SMOC1: variants seen among roughly 807,000 people sequenced by gnomAD.
SMOC1 encodes the protein SPARC-related modular calcium-binding protein 1.
Under a neutral mutation model 56.3 loss-of-function variants are expected in SMOC1, and 22 were observed. That is an observed-to-expected ratio of 0.39 (90% confidence interval 0.28 to 0.56). SMOC1 has a LOEUF of 0.56. SMOC1 is among the 20% of genes least tolerant of loss of function. The pLI is 0.61. For synonymous variants in SMOC1, 193 were observed against 215.0 expected (o/e 0.90, Z 0.89); for missense variants, 509 against 565.4 (o/e 0.90, Z 1.01).
intron 5 of SMOC1, among the ~76,000 whole-genome samples, chr14:69,992,183 C>T (rs17107556): frequency 0.03 from 4,614 of 152,282 alleles, 137 homozygotes; most frequent in African/African-American, 0.072. Flanking sequence ...TAACTCCTTT[C>T]GTCCATGCCT....
At chr14:69,911,577 T>C (rs755126007) in intron 1 of SMOC1, among the ~76,000 whole-genome samples, 1 of 152,192 alleles carries the variant, frequency 6.6e-6, no homozygotes, top group African/African-American at 2.4e-5. Context: ...AGTTTCACCT[T>C]TTCTAAAAGG....
chr14:70,030,182 T>C, intron 11 of SMOC1, 60 bp from the exon 12 acceptor site: 1 of 1,606,436 alleles, frequency 6.2e-7, no homozygotes, highest in Non-Finnish European at 8.5e-7. Flanking sequence ...TCTAACTTCT[T>C]GCTTATATCT....
chr14:69,986,984 AGGTGG>A (rs1263207022), intron 5 of SMOC1, among the ~76,000 whole-genome samples: 5 of 152,160 alleles, frequency 3.3e-5, no homozygotes, highest in Admixed American at 2.0e-4. Context: ...GGAAATGTTG[AGGTGG>A]CCTAGCATTC....
chr14:70,010,649 G>A (rs1885300918), intron 7 of SMOC1, 105 bp from the exon 8 acceptor site: 3 of 1,214,640 alleles, frequency 2.5e-6, no homozygotes. Context: ...TCAGTTCCTG[G>A]GTCCAGGCCT....
At chr14:70,001,781 C>A (rs965539486) in intron 7 of SMOC1, among the ~76,000 whole-genome samples, 2 of 152,198 alleles carry the variant, frequency 1.3e-5, no homozygotes, top group South Asian at 4.1e-4. Flanking sequence ...TTCACAATGA[C>A]CCTGTGAGGC....
intron 1 of SMOC1, among the ~76,000 whole-genome samples, chr14:69,945,041 G>T (rs1272977464): frequency 6.6e-6 from 1 of 151,452 alleles, no homozygotes; most frequent in East Asian, 1.9e-4. Context: ...GTTGGACAAA[G>T]AATATTTCTT....
At chr14:70,027,032 A>G (rs1377240728) in intron 11 of SMOC1, among the ~76,000 whole-genome samples, 1 of 152,128 alleles carries the variant, frequency 6.6e-6, no homozygotes, top group African/African-American at 2.4e-5. Flanking sequence ...GTGGAGGCTG[A>G]GTAGACTTAA....
chr14:69,923,275 A>T (rs936015749), intron 1 of SMOC1, among the ~76,000 whole-genome samples: 12 of 152,128 alleles, frequency 7.9e-5, no homozygotes, highest in Non-Finnish European at 1.5e-5. Flanking sequence ...CCTCCATACA[A>T]GCTCCCTCCC....
intron 1 of SMOC1, among the ~76,000 whole-genome samples, chr14:69,902,751 C>T (rs908550357): frequency 2.0e-5 from 3 of 152,194 alleles, no homozygotes; most frequent in Non-Finnish European, 4.4e-5. Context: ...CGAGTGCCTG[C>T]GATTGCAGGC....
chr14:69,951,388 G>A (rs904156570), intron 1 of SMOC1, among the ~76,000 whole-genome samples: 1 of 152,158 alleles, frequency 6.6e-6, no homozygotes, highest in African/African-American at 2.4e-5. Context: ...TTTACTATGC[G>A]TCTTGGAGGT....
chr14:69,891,788 T>C (rs1198716303), intron 1 of SMOC1, among the ~76,000 whole-genome samples: 2 of 152,156 alleles, frequency 1.3e-5, no homozygotes, highest in Non-Finnish European at 2.9e-5. Context: ...AGTCGGAAAA[T>C]AAAAATACAG....
chr14:69,999,482 G>A (rs1884891366), intron 7 of SMOC1, among the ~76,000 whole-genome samples: 2 of 152,238 alleles, frequency 1.3e-5, no homozygotes, highest in Non-Finnish European at 2.9e-5. Flanking sequence ...GTGATTGGGA[G>A]GAAGAATGAG....
chr14:70,013,211 T>C (rs1182585918), intron 9 of SMOC1, among the ~76,000 whole-genome samples, 175 bp from the exon 10 acceptor site: 1 of 152,162 alleles, frequency 6.6e-6, no homozygotes, highest in Non-Finnish European at 1.5e-5. Context: ...TTGTGGGGTA[T>C]GGGTAAAGGA....
intron 1 of SMOC1, among the ~76,000 whole-genome samples, chr14:69,920,026 T>C (rs11621324): frequency 0.078 from 11,807 of 151,200 alleles, 604 homozygotes; most frequent in Non-Finnish European, 0.12. Flanking sequence ...GGATGCATGC[T>C]CTCTCTCCTT....
chr14:69,938,451 G>A (rs1882409934), intron 1 of SMOC1, among the ~76,000 whole-genome samples: 2 of 151,984 alleles, frequency 1.3e-5, no homozygotes, highest in African/African-American at 2.4e-5. Context: ...GTGTAGTGGC[G>A]TCGTGAGGGC....
chr14:69,918,054 C>A (rs574728810), intron 1 of SMOC1, among the ~76,000 whole-genome samples: 1 of 152,128 alleles, frequency 6.6e-6, no homozygotes, highest in Non-Finnish European at 1.5e-5. Flanking sequence ...ATATACACAT[C>A]GTGAAATGCT....
chr14:69,928,659 G>C (rs1872919542), intron 1 of SMOC1, among the ~76,000 whole-genome samples: 1 of 151,904 alleles, frequency 6.6e-6, no homozygotes, highest in Non-Finnish European at 1.5e-5. Context: ...TTATTTCAGA[G>C]TACAAGTGAA....
chr14:69,942,162 A>G (rs1461840107), intron 1 of SMOC1, among the ~76,000 whole-genome samples: 1 of 152,088 alleles, frequency 6.6e-6, no homozygotes, highest in East Asian at 1.9e-4. Flanking sequence ...TCCTGGTTTC[A>G]AAAATGCAGC....
chr14:69,974,185 GA>G (rs1390447724), intron 3 of SMOC1, among the ~76,000 whole-genome samples: 1 of 152,172 alleles, frequency 6.6e-6, no homozygotes, highest in African/African-American at 2.4e-5. Context: ...ACGATCTTGA[GA>G]GGGGGGAGTG....
Sources: allele counts gnomAD v4.1 joint callset (sites outside exome capture counted in the v4.1 genomes callset), GRCh38; gene constraint gnomAD v4.1.1; transcripts MANE v1.5; gene names NCBI Gene and HGNC (gene_info 2026-07-23, HGNC 2026-07-21).